Variants in NEK11 observed in about 807,000 individuals in gnomAD.
NEK11 encodes NIMA related kinase 11.
In NEK11, 72 loss-of-function variants were observed where a neutral mutation model predicts 80.7. The ratio of observed to expected loss-of-function variants is 0.89; its 90% CI spans 0.74 to 1.08. NEK11 has a LOEUF of 1.08. NEK11 is among the 50% of genes least tolerant of loss of function. The pLI is 0.00. For synonymous variants in NEK11, 251 were observed against 260.7 expected (o/e 0.96, Z 0.36); for missense variants, 764 against 763.6 (o/e 1.00, Z -0.01).
Position 131,228,594 on chromosome 3 carries a change from A to C in NEK11, c.1466A>C (p.Glu489Ala). The C allele has an allele frequency of 6.2e-7, 1 of 1,613,650 alleles. No homozygotes were observed. The highest frequency in any genetic ancestry group is 8.5e-7 in the Non-Finnish European group (1 of 1,179,656). ...GATGCATTTGATTCCTATTGTGAAGAGAGTGATGAGGAGGAAGAAGAAATA... is the reference window on the plus strand; with the variant it reads ...GATGCATTTGATTCCTATTGTGAAGCGAGTGATGAGGAGGAAGAAGAAATA... Reference protein sequence around the residue: ...YADAFDSYCEESDEEEEEIAL... With the variant: ...YADAFDSYCEASDEEEEEIAL... Residue 489 changes from glutamate to alanine, a missense_variant, in exon 15 of 18, where the codon GAG becomes GCG. Glu to Ala is a moderately radical substitution (Grantham distance 107). Transcript: ENST00000383366.
chr3:131,177,346 T>C (rs746587611), intron 14 of NEK11, among the ~76,000 whole-genome samples: 3 of 152,160 alleles, frequency 2.0e-5, no homozygotes, highest in Non-Finnish European at 2.9e-5. Flanking sequence ...GTAATACCAA[T>C]CTGAAAAATT....
chr3:131,081,418 A>G (rs2075257230), intron 4 of NEK11, among the ~76,000 whole-genome samples: 1 of 152,146 alleles, frequency 6.6e-6, no homozygotes, highest in Admixed American at 6.5e-5. Flanking sequence ...TCTGAGTTCT[A>G]TCCAAGTAAT....
chr3:131,124,447 C>A (rs2149496926), intron 5 of NEK11, among the ~76,000 whole-genome samples: 1 of 152,194 alleles, frequency 6.6e-6, no homozygotes, highest in Middle Eastern at 3.4e-3. Flanking sequence ...TGGGCATTAA[C>A]CAGTTTTGTA....
intron 5 of NEK11, among the ~76,000 whole-genome samples, chr3:131,123,151 C>T (rs921312392): frequency 1.3e-5 from 2 of 152,146 alleles, no homozygotes; most frequent in African/African-American, 2.4e-5. Flanking sequence ...ACTGTAACCA[C>T]AAAGCCAATA....
intron 14 of NEK11, among the ~76,000 whole-genome samples, chr3:131,215,291 A>T (rs58085421): frequency 1.4e-4 from 13 of 93,312 alleles, no homozygotes; most frequent in African/African-American, 4.6e-4. Context: ...GGGGAGGGGG[A>T]AGGGATAGCA....
At chr3:131,065,972 G>A (rs73204033) in intron 3 of NEK11, among the ~76,000 whole-genome samples, 173 of 152,262 alleles carry the variant, frequency 1.1e-3, no homozygotes, top group Admixed American at 3.5e-3. Flanking sequence ...TAAGACACAA[G>A]AGTCCAGCAT....
chr3:131,274,077 T>C (rs1284263006), intron 17 of NEK11, among the ~76,000 whole-genome samples: 3 of 150,304 alleles, frequency 2.0e-5, no homozygotes, highest in African/African-American at 7.4e-5. Context: ...CGTCTAGCAT[T>C]AGGTATATCT....
At chr3:131,130,043 A>T (rs1294687011) in intron 5 of NEK11, among the ~76,000 whole-genome samples, 1 of 152,210 alleles carries the variant, frequency 6.6e-6, no homozygotes, top group Non-Finnish European at 1.5e-5. Flanking sequence ...TCTTGACAAT[A>T]TTGAGTCTAC....
At chr3:131,077,155 G>A (rs940126606) in intron 3 of NEK11, among the ~76,000 whole-genome samples, 1 of 152,116 alleles carries the variant, frequency 6.6e-6, no homozygotes, top group Non-Finnish European at 1.5e-5. Flanking sequence ...GGGATGCCTC[G>A]TTTTGCTACT....
intron 17 of NEK11, among the ~76,000 whole-genome samples, chr3:131,296,138 G>GC (rs1354798048): frequency 6.6e-6 from 1 of 152,108 alleles, no homozygotes; most frequent in Non-Finnish European, 1.5e-5. Context: ...ACCACACCTG[G>GC]CCCAAGTCTG....
At chr3:131,123,375 C>A (rs2082722881) in intron 5 of NEK11, among the ~76,000 whole-genome samples, 1 of 152,134 alleles carries the variant, frequency 6.6e-6, no homozygotes, top group Non-Finnish European at 1.5e-5. Context: ...CCGTGCTGGC[C>A]AGGCTGGTCT....
At chr3:131,347,702 G>A (rs2097384738) in intron 17 of NEK11, among the ~76,000 whole-genome samples, 1 of 152,100 alleles carries the variant, frequency 6.6e-6, no homozygotes. Context: ...GGCCTGTAAT[G>A]CCAGCACTTT....
intron 7 of NEK11, among the ~76,000 whole-genome samples, chr3:131,143,340 C>T (rs1328566880): frequency 6.6e-6 from 1 of 152,162 alleles, no homozygotes. Context: ...CTTGATCACT[C>T]CATTGCTTCC....
rs569670130 is a variant in NEK11 at position 131,236,763 on chromosome 3, T to C, written c.1561-6673T>C. Among the ~76,000 whole-genome samples, 119 of 152,304 alleles carry C rather than the reference T, an allele frequency of 7.8e-4. 1 individual carries two copies. The highest frequency in any genetic ancestry group is 2.1e-3 in the South Asian group (10 of 4,828). ...GTGAGATAGGAGTTACGATATTAGC[T>C]TCCTGATTTCAGGGAAGCCCTCACA... On this transcript the variant is annotated intron_variant, in intron 15 of 17. Transcript: ENST00000383366.
intron 3 of NEK11, 23 bp downstream of exon 3, chr3:131,029,901 A>G (rs756949539): frequency 1.9e-6 from 3 of 1,608,952 alleles, no homozygotes; most frequent in Non-Finnish European, 2.6e-6. Context: ...GCTTCCTATG[A>G]ATCTTGAGTA....
At chr3:131,051,099 G>A (rs554479279) in intron 3 of NEK11, among the ~76,000 whole-genome samples, 19 of 152,336 alleles carry the variant, frequency 1.2e-4, no homozygotes, top group Non-Finnish European at 1.9e-4. Context: ...GTGGAAAATT[G>A]TTTAGCTTAA....
chr3:131,110,307 G>A (rs934209207), intron 5 of NEK11, among the ~76,000 whole-genome samples: 13 of 152,112 alleles, frequency 8.5e-5, no homozygotes, highest in Admixed American at 7.9e-4. Context: ...AATGAATTGT[G>A]TGGTCGCCTT....
intron 9 of NEK11, among the ~76,000 whole-genome samples, chr3:131,153,958 C>A (rs370379861): frequency 2.0e-5 from 3 of 152,182 alleles, no homozygotes; most frequent in African/African-American, 7.2e-5. Context: ...CAATGGGAAG[C>A]AACCAGCCAT....
At chr3:131,155,843 C>T (rs1000130410) in intron 10 of NEK11, among the ~76,000 whole-genome samples, 7 of 152,166 alleles carry the variant, frequency 4.6e-5, no homozygotes, top group Admixed American at 1.3e-4. Flanking sequence ...TGTTTCTCAA[C>T]GCTACCATGT....
Sources: allele counts gnomAD v4.1 joint callset (sites outside exome capture counted in the v4.1 genomes callset), GRCh38; gene constraint gnomAD v4.1.1; transcripts MANE v1.5; gene names NCBI Gene and HGNC (gene_info 2026-07-23, HGNC 2026-07-21).